The following THSD7B variants were observed in gnomAD, a reference collection of about 807,000 sequenced individuals.
THSD7B encodes thrombospondin type-1 domain-containing protein 7B.
A neutral mutation model predicts 213.6 loss-of-function variants in THSD7B; 138 were observed. The observed-to-expected ratio is 0.65, with a 90% CI of 0.56 to 0.74. The LOEUF is 0.74. Among genes scored for constraint, THSD7B ranks in the 30% least tolerant of loss-of-function variants. The pLI, the probability that THSD7B is intolerant of heterozygous loss-of-function variation, is 0.00. For synonymous variants in THSD7B, 742 were observed against 687.0 expected (o/e 1.08, Z -1.25); for missense variants, 1,931 against 1,991.5 (o/e 0.97, Z 0.58).
At chr2:137,495,397 A>G (rs2105127951) in intron 15 of THSD7B, among the ~76,000 whole-genome samples, 1 of 152,258 alleles carries the variant, frequency 6.6e-6, no homozygotes, top group East Asian at 1.9e-4. Context: ...GTATTGGCAG[A>G]AAATTAGATC....
intron 15 of THSD7B, among the ~76,000 whole-genome samples, chr2:137,471,151 C>T (rs900305681): frequency 6.6e-6 from 1 of 151,896 alleles, no homozygotes; most frequent in Non-Finnish European, 1.5e-5. Flanking sequence ...GAACTCCTGA[C>T]CTCAGGTGAT....
chr2:137,591,359 C>T (rs1383180670), intron 17 of THSD7B, among the ~76,000 whole-genome samples: 1 of 151,686 alleles, frequency 6.6e-6, no homozygotes, highest in Non-Finnish European at 1.5e-5. Flanking sequence ...TGACTCTGAC[C>T]TTAAATTTCA....
At chr2:137,412,591 C>T (rs1686684786) in intron 14 of THSD7B, among the ~76,000 whole-genome samples, 1 of 82,424 alleles carries the variant, frequency 1.2e-5, no homozygotes, top group African/African-American at 4.3e-5. Flanking sequence ...GAGCAAAACT[C>T]TGTCTCAAAA....
intron 3 of THSD7B, among the ~76,000 whole-genome samples, chr2:137,081,208 A>G (rs969206106): frequency 2.0e-5 from 3 of 152,244 alleles, no homozygotes; most frequent in East Asian, 1.9e-4. Context: ...TTCAGGGGAT[A>G]TAGTAGTTCG....
At chr2:136,769,736 T>G (rs1411245572) in intron 1 of THSD7B, among the ~76,000 whole-genome samples, 1 of 152,180 alleles carries the variant, frequency 6.6e-6, no homozygotes, top group Non-Finnish European at 1.5e-5. Context: ...TGGAAATCAG[T>G]AGAATTTTTT....
chr2:137,655,881 A>G (rs903057881), intron 22 of THSD7B, among the ~76,000 whole-genome samples: 1 of 152,176 alleles, frequency 6.6e-6, no homozygotes, highest in African/African-American at 2.4e-5. Context: ...CTTAAGAGCT[A>G]AGTTAGAATC....
chr2:137,233,461 A>C (rs1310112658), intron 9 of THSD7B, among the ~76,000 whole-genome samples: 1 of 152,212 alleles, frequency 6.6e-6, no homozygotes, highest in Non-Finnish European at 1.5e-5. Context: ...AATCACATAA[A>C]GACGAGGTCA....
intron 17 of THSD7B, among the ~76,000 whole-genome samples, chr2:137,583,401 G>A (rs1423000701): frequency 2.0e-5 from 3 of 152,152 alleles, no homozygotes; most frequent in East Asian, 3.8e-4. Context: ...TTTTAGACAC[G>A]AAGTCCTTGC....
intron 1 of THSD7B, among the ~76,000 whole-genome samples, chr2:136,809,711 T>A (rs1255998439): frequency 6.6e-6 from 1 of 152,156 alleles, no homozygotes; most frequent in African/African-American, 2.4e-5. Context: ...TGTCTTAAAA[T>A]TTTTAAGGCT....
chr2:136,996,836 T>C (rs947555433), intron 2 of THSD7B, among the ~76,000 whole-genome samples: 3 of 152,210 alleles, frequency 2.0e-5, no homozygotes, highest in African/African-American at 7.2e-5. Context: ...GTCCTTTAAT[T>C]TTACTAATGA....
intron 1 of THSD7B, among the ~76,000 whole-genome samples, chr2:136,840,469 G>A (rs2059973): frequency 0.23 from 34,757 of 151,996 alleles, 4,313 homozygotes; most frequent in East Asian, 0.38. Flanking sequence ...CACTGAGTTG[G>A]AAGTTGGAGA....
intron 9 of THSD7B, among the ~76,000 whole-genome samples, chr2:137,241,380 C>T (rs1681897168): frequency 6.6e-6 from 1 of 152,130 alleles, no homozygotes; most frequent in African/African-American, 2.4e-5. Context: ...TAAAAACAAG[C>T]AAGCAAGCAA....
At chr2:137,183,212 G>A (rs1680488124) in intron 7 of THSD7B, among the ~76,000 whole-genome samples, 1 of 152,022 alleles carries the variant, frequency 6.6e-6, no homozygotes, top group African/African-American at 2.4e-5. Flanking sequence ...CAGAAACATT[G>A]AAGAGTTGAG....
intron 10 of THSD7B, among the ~76,000 whole-genome samples, chr2:137,245,164 TG>T (rs1681998569): frequency 6.6e-6 from 1 of 152,098 alleles, no homozygotes; most frequent in Admixed American, 6.6e-5. Flanking sequence ...GAATGTATCT[TG>T]TTTTTTTTCC....
At chr2:136,955,594 ACATGAG>A (rs1685110374) in intron 2 of THSD7B, among the ~76,000 whole-genome samples, 1 of 152,214 alleles carries the variant, frequency 6.6e-6, no homozygotes, top group African/African-American at 2.4e-5. Context: ...TAAGTTTAGG[ACATGAG>A]TTTTCTTATA....
At chr2:136,965,589 TTTTA>T (rs1393999094) in intron 2 of THSD7B, among the ~76,000 whole-genome samples, 1 of 151,926 alleles carries the variant, frequency 6.6e-6, no homozygotes, top group Non-Finnish European at 1.5e-5. Flanking sequence ...ACCAATGACT[TTTTA>T]TTTGTCAATG....
chr2:137,130,195 G>A (rs1467029196), intron 5 of THSD7B, among the ~76,000 whole-genome samples: 1 of 152,122 alleles, frequency 6.6e-6, no homozygotes, highest in African/African-American at 2.4e-5. Context: ...ACGGCCAGAT[G>A]AGGTGGATTT....
chr2:137,216,502 G>C (rs1681246534), intron 7 of THSD7B, among the ~76,000 whole-genome samples: 2 of 151,934 alleles, frequency 1.3e-5, no homozygotes, highest in South Asian at 2.1e-4. Context: ...AAGGGAAATG[G>C]AACAGAGTCC....
intron 12 of THSD7B, among the ~76,000 whole-genome samples, chr2:137,365,836 T>C (rs1024626031): frequency 6.6e-5 from 10 of 152,160 alleles, no homozygotes; most frequent in African/African-American, 2.4e-4. Flanking sequence ...AGTGTGGCGA[T>C]CCCTCAGGGA....
Sources: allele counts gnomAD v4.1 joint callset (sites outside exome capture counted in the v4.1 genomes callset), GRCh38; gene constraint gnomAD v4.1.1; transcripts MANE v1.5; gene names NCBI Gene and HGNC (gene_info 2026-07-23, HGNC 2026-07-21).